The following PLCL2 variants were observed in gnomAD, a reference collection of about 807,000 sequenced individuals.
PLCL2 encodes the protein phospholipase C like 2.
In PLCL2, 4 loss-of-function variants were observed where a neutral mutation model predicts 79.6. That is an observed-to-expected ratio of 0.05 (90% CI 0.02 to 0.11). PLCL2 has a LOEUF of 0.11. PLCL2 is among the 10% of genes least tolerant of loss of function. PLCL2 has a pLI of 1.00. For missense variants in PLCL2, 895 were observed against 1,291.0 expected, an observed-to-expected ratio of 0.69 and a Z score of 4.70; for synonymous variants, 484 against 457.7, an observed-to-expected ratio of 1.06 and a Z score of -0.73.
chr3:16,988,541 T>C (rs1315004382), intron 1 of PLCL2, among the ~76,000 whole-genome samples: 1 of 152,114 alleles, frequency 6.6e-6, no homozygotes, highest in African/African-American at 2.4e-5. Flanking sequence ...GTCTTTTCAG[T>C]GGACAGTGGC....
intron 1 of PLCL2, among the ~76,000 whole-genome samples, chr3:16,934,217 C>T (rs1041746157): frequency 1.3e-5 from 2 of 152,156 alleles, no homozygotes; most frequent in Non-Finnish European, 2.9e-5. Flanking sequence ...GTTAAATCCA[C>T]ATAATGTGGC....
intron 1 of PLCL2, among the ~76,000 whole-genome samples, chr3:16,952,762 T>C (rs1249888609): frequency 6.6e-6 from 1 of 152,116 alleles, no homozygotes; most frequent in African/African-American, 2.4e-5. Flanking sequence ...TTTTTCTGAA[T>C]GTTTACCATG....
chr3:17,036,319 A>T (rs1437945863), intron 3 of PLCL2, among the ~76,000 whole-genome samples: 1 of 152,218 alleles, frequency 6.6e-6, no homozygotes. Flanking sequence ...ATGTTCAAGT[A>T]TTTAAAAGTA....
intron 1 of PLCL2, among the ~76,000 whole-genome samples, chr3:16,918,449 A>G (rs993010087): frequency 2.0e-5 from 3 of 152,184 alleles, no homozygotes; most frequent in Non-Finnish European, 4.4e-5. Flanking sequence ...TGAAAATGCA[A>G]TTAATTTCAA....
chr3:17,089,039 C>T (rs1328255769), intron 5 of PLCL2, among the ~76,000 whole-genome samples: 1 of 152,160 alleles, frequency 6.6e-6, no homozygotes, highest in African/African-American at 2.4e-5. Context: ...CCCACGGCTG[C>T]CAGCACTTAC....
At chr3:17,015,078 T>C (rs1204172689) in intron 3 of PLCL2, among the ~76,000 whole-genome samples, 167 bp downstream of exon 3, 1 of 152,202 alleles carries the variant, frequency 6.6e-6, no homozygotes, top group Non-Finnish European at 1.5e-5. Context: ...TGAAAGAGAT[T>C]AGTGTTTTGT....
chr3:17,041,847 G>A (rs1044486587), intron 3 of PLCL2, among the ~76,000 whole-genome samples: 9 of 152,262 alleles, frequency 5.9e-5, no homozygotes, highest in African/African-American at 2.2e-4. Flanking sequence ...GGGAGATGGA[G>A]GCTGGAGGAT....
At chr3:17,024,387 T>C (rs1208911119) in intron 3 of PLCL2, among the ~76,000 whole-genome samples, 1 of 152,182 alleles carries the variant, frequency 6.6e-6, no homozygotes, top group Admixed American at 6.5e-5. Flanking sequence ...ATTGAATCTT[T>C]CCAGCATCAA....
chr3:16,981,215 A>C (rs2063993614), intron 1 of PLCL2, among the ~76,000 whole-genome samples: 1 of 152,230 alleles, frequency 6.6e-6, no homozygotes. Flanking sequence ...ATTTACTAGA[A>C]ATATGCTCAT....
intron 1 of PLCL2, among the ~76,000 whole-genome samples, chr3:16,939,158 A>T (rs1223952494): frequency 6.6e-6 from 1 of 152,068 alleles, no homozygotes; most frequent in African/African-American, 2.4e-5. Context: ...GCGGGTAATC[A>T]CACACTCTTT....
intron 1 of PLCL2, among the ~76,000 whole-genome samples, chr3:16,975,580 G>T (rs775688488): frequency 5.3e-5 from 8 of 152,262 alleles, no homozygotes; most frequent in Non-Finnish European, 1.2e-4. Flanking sequence ...TGTTGTTAGG[G>T]CTTCTAGGTC....
chr3:17,032,804 AC>A (rs772966701), intron 3 of PLCL2, among the ~76,000 whole-genome samples: 8 of 152,170 alleles, frequency 5.3e-5, no homozygotes, highest in Non-Finnish European at 1.0e-4. Context: ...TGCAGGAGAC[AC>A]CCATATTACA....
At chr3:17,040,755 A>C (rs1246574451) in intron 3 of PLCL2, among the ~76,000 whole-genome samples, 3 of 152,274 alleles carry the variant, frequency 2.0e-5, no homozygotes, top group South Asian at 2.1e-4. Flanking sequence ...TAGAACCAGG[A>C]TTAGAACCCA....
chr3:16,944,663 C>T (rs1283501923), intron 1 of PLCL2, among the ~76,000 whole-genome samples: 2 of 152,060 alleles, frequency 1.3e-5, no homozygotes, highest in Non-Finnish European at 2.9e-5. Flanking sequence ...CCTGGAGCAC[C>T]TTAATCTTGG....
In PLCL2 at chr3:17,090,295, T is replaced by C; in HGVS notation, c.*383T>C. 1 of 965,498 alleles carries C rather than the reference T, an allele frequency of 1.0e-6. No individual in the cohort carries two copies. The highest frequency in any genetic ancestry group is 1.2e-6 in the Non-Finnish European group (1 of 811,092). 59.8% of individuals were successfully genotyped at this position (965,498 alleles called of 1,614,324 possible). ...ATTTATTGGAGAAAAAAACCTGATC[T>C]ACACATTTTTACTTATATGGGGTTG... On this transcript the variant is annotated 3_prime_UTR_variant, in exon 6 of 6. Coordinates refer to ENST00000615277, the MANE Select transcript of PLCL2 (RefSeq NM_001144382.2).
chr3:17,063,625 G>A (rs985705463), intron 4 of PLCL2, among the ~76,000 whole-genome samples: 38 of 151,970 alleles, frequency 2.5e-4, no homozygotes, highest in African/African-American at 9.2e-4. Context: ...TAGTCTCCAC[G>A]TGACTTCTCT....
intron 1 of PLCL2, among the ~76,000 whole-genome samples, chr3:16,995,325 G>A (rs1041555211): frequency 3.9e-5 from 6 of 152,252 alleles, no homozygotes; most frequent in African/African-American, 1.4e-4. Context: ...TTTTAAAACA[G>A]GTGGTGAGTT....
chr3:16,997,637 C>T (rs1451786833), intron 1 of PLCL2, among the ~76,000 whole-genome samples: 3 of 151,242 alleles, frequency 2.0e-5, no homozygotes, highest in African/African-American at 7.3e-5. Flanking sequence ...CTCCGGGGTT[C>T]AAGCAATTCC....
rs190015249 is a variant in PLCL2, at chr3:16,916,902, C to T, written c.327+31536C>T. Among the ~76,000 whole-genome samples the T allele has an allele frequency of 4.0e-3, 616 of 152,192 alleles. 2 individuals carry two copies. Among genetic ancestry groups the T allele is most frequent in the African/African-American group, 0.014 (590 of 41,490 alleles). On this transcript the variant is annotated intron_variant, in intron 1 of 5. Coordinates refer to ENST00000615277, the MANE Select transcript of PLCL2 (RefSeq NM_001144382.2). ...TACATTATCCATGTGTCATCCTGTACCTCAAAGGGTGGAGGAACAACTTAT... is the reference window on the plus strand; with the variant it reads ...TACATTATCCATGTGTCATCCTGTATCTCAAAGGGTGGAGGAACAACTTAT...
Sources: allele counts gnomAD v4.1 joint callset (sites outside exome capture counted in the v4.1 genomes callset), GRCh38; gene constraint gnomAD v4.1.1; transcripts MANE v1.5; gene names NCBI Gene and HGNC (gene_info 2026-07-23, HGNC 2026-07-21).